Variants in BCO2 observed in about 807,000 individuals in gnomAD.
The protein encoded by BCO2 is carotenoid-cleaving dioxygenase, mitochondrial.
A neutral mutation model predicts 65.8 loss-of-function variants in BCO2; 56 were observed. The observed-to-expected ratio is 0.85, with a 90% CI of 0.69 to 1.06. The LOEUF (loss-of-function observed/expected upper bound fraction) is 1.06, where lower values mean the gene tolerates loss of function less well. Among genes scored for constraint, BCO2 ranks in the 50% least tolerant of loss-of-function variants. The probability of loss-of-function intolerance (pLI) is 0.00; values close to 1 mark genes in which losing one functional copy is unlikely to be tolerated. For synonymous variants in BCO2, 233 were observed against 242.3 expected, an observed-to-expected ratio of 0.96 and a Z score of 0.36; for missense variants, 675 against 698.5, an observed-to-expected ratio of 0.97 and a Z score of 0.38.
At chr11:112,213,166 G>C (rs1592866941) in intron 8 of BCO2, among the ~76,000 whole-genome samples, 1 of 82,986 alleles carries the variant, frequency 1.2e-5, no homozygotes, top group African/African-American at 5.1e-5. Flanking sequence ...TTTTTGTGAC[G>C]GAGTTTCACT....
intron 8 of BCO2, among the ~76,000 whole-genome samples, chr11:112,209,362 A>G (rs114873285): frequency 0.028 from 4,211 of 152,300 alleles, 200 homozygotes; most frequent in African/African-American, 0.096. Flanking sequence ...TAGACTTTTC[A>G]GACTGACTTT....
intron 2 of BCO2, among the ~76,000 whole-genome samples, chr11:112,193,116 T>A (rs1241090867): frequency 2.0e-5 from 3 of 151,618 alleles, no homozygotes; most frequent in South Asian, 4.2e-4. Flanking sequence ...TAGCTGGGAC[T>A]ACAGGCGCAT....
intron 2 of BCO2, among the ~76,000 whole-genome samples, chr11:112,186,638 G>A (rs1867208762): frequency 6.6e-6 from 1 of 152,014 alleles, no homozygotes; most frequent in African/African-American, 2.4e-5. Flanking sequence ...ACATGCCAAA[G>A]GTCTATCTTC....
intron 7 of BCO2, 51 bp downstream of exon 7, chr11:112,200,824 A>T (rs770097819): frequency 6.3e-7 from 1 of 1,584,660 alleles, no homozygotes; most frequent in Non-Finnish European, 8.6e-7. Flanking sequence ...AACAAAGGCA[A>T]ATTTCCATAT....
chr11:112,175,950 T>C, intron 1 of BCO2: 1 of 363,504 alleles, frequency 2.8e-6, no homozygotes. Flanking sequence ...TTGGTATTCT[T>C]TGGGATTTGC....
intron 8 of BCO2, among the ~76,000 whole-genome samples, chr11:112,204,612 A>G (rs1327424473): frequency 6.6e-6 from 1 of 152,198 alleles, no homozygotes; most frequent in East Asian, 1.9e-4. Flanking sequence ...CTTTATGATG[A>G]TCTACTACCA....
At chr11:112,205,410 G>A (rs1425077094) in intron 8 of BCO2, among the ~76,000 whole-genome samples, 1 of 152,040 alleles carries the variant, frequency 6.6e-6, no homozygotes, top group Non-Finnish European at 1.5e-5. Flanking sequence ...TAGTGATGTT[G>A]AGCACCTTTT....
At chr11:112,217,731 T>A (rs1468462124) in intron 11 of BCO2, 30 bp from the exon 12 acceptor site, 3 of 1,529,618 alleles carry the variant, frequency 2.0e-6, no homozygotes, top group Non-Finnish European at 2.7e-6. Flanking sequence ...GAAAAAAAGA[T>A]AATTTTCAAT....
At chr11:112,199,897 G>T in intron 6 of BCO2, 70 bp downstream of exon 6, 1 of 1,547,164 alleles carries the variant, frequency 6.5e-7, no homozygotes, top group Non-Finnish European at 8.8e-7. Flanking sequence ...GGACTAGTCT[G>T]GCAAATGTTA....
At chr11:112,183,457 C>G (rs1208351328) in intron 2 of BCO2, among the ~76,000 whole-genome samples, 1 of 151,894 alleles carries the variant, frequency 6.6e-6, no homozygotes, top group Non-Finnish European at 1.5e-5. Flanking sequence ...GAGGGTTTAC[C>G]TAGTTTTATG....
In BCO2 at chr11:112,179,292, A is replaced by G. The variant is rs1328331625; in HGVS notation, c.103A>G (p.Met35Val). The change falls in exon 2 of 12, where the codon ATG (methionine) becomes GTG (valine). Residue 35 changes from methionine (M) to valine (V), a missense_variant. By Grantham distance (21) the Met-to-Val change is conservative. Transcript: ENST00000357685. ...VHRLPVFKRY[M>V]GNTPQKKAVF... The stretch of plus-strand genomic sequence containing the variant: ...CCTCTGCACAGTTTTCAAAAGGTAC[A>G]TGGGAAATACTCCTCAGAAAAAAGC... The G allele has an allele frequency of 2.5e-6, 4 of 1,614,188 alleles. No individual in the cohort carries two copies. Among genetic ancestry groups the G allele is most frequent in the South Asian group, 1.1e-5 (1 of 91,086 alleles).
Position 112,200,553 on chromosome 11 carries a change from A to G in BCO2, c.866-60A>G, listed in dbSNP as rs191271064. The G allele has an allele frequency of 1.0e-3, 1,560 of 1,488,010 alleles. 11 individuals carry two copies. The highest frequency in any genetic ancestry group is 7.2e-4 in the Non-Finnish European group (790 of 1,094,770). The allele number at this position is 1,488,010 out of a possible 1,614,324, so 92.2% of individuals were successfully genotyped here. On this transcript the variant is annotated intron_variant, in intron 6 of 11. Coordinates refer to ENST00000357685, the MANE Select transcript of BCO2 (RefSeq NM_031938.7). ...ATTCAGACAAGTCCCCATAACTGGC[A>G]CATTTCAGACAACTCTAGTTTGCCA...
At chr11:112,184,683 A>AT (rs1314703451) in intron 2 of BCO2, among the ~76,000 whole-genome samples, 1 of 147,358 alleles carries the variant, frequency 6.8e-6, no homozygotes, top group African/African-American at 2.7e-5. Flanking sequence ...TTTTACTTAT[A>AT]TTTTTTGTTT....
At chr11:112,192,738 A>T (rs995222607) in intron 2 of BCO2, among the ~76,000 whole-genome samples, 2 of 147,642 alleles carry the variant, frequency 1.4e-5, no homozygotes, top group Non-Finnish European at 3.0e-5. Flanking sequence ...GGTCTCAAGC[A>T]ATCCACCTGC....
At position 112,202,078 on chromosome 11, in the gene BCO2, C is replaced by A. The variant is rs550194496; in HGVS notation, c.1082C>A (p.Ala361Asp). 317 of 1,613,114 alleles carry A rather than the reference C, an allele frequency of 2.0e-4. 3 individuals carry two copies. In the South Asian group the frequency reaches 3.4e-3, roughly 17 times the overall value. ...KPFVTFHQIN[A>D]FEDQGCVIID... The stretch of plus-strand genomic sequence containing the variant: ...TTTGTTACATTTCATCAAATCAATG[C>A]CTTTGAGGACCAGGGCTGTGTTATA... Residue 361 changes from alanine to aspartate, a missense_variant, in exon 8 of 12, where the codon GCC becomes GAC. Coordinates refer to ENST00000357685, the MANE Select transcript of BCO2 (RefSeq NM_031938.7).
intron 2 of BCO2, among the ~76,000 whole-genome samples, chr11:112,183,830 A>G (rs1867125951): frequency 2.0e-5 from 3 of 152,238 alleles, no homozygotes; most frequent in Admixed American, 1.3e-4. Context: ...ACTGATTGAA[A>G]CAGAGTGGAA....
At chr11:112,215,139 C>A (rs1253825235) in intron 10 of BCO2, 195 bp downstream of exon 10, 8 of 584,696 alleles carry the variant, frequency 1.4e-5, no homozygotes, top group Non-Finnish European at 2.4e-5. Flanking sequence ...ACCCCAGGCC[C>A]AGCAAAATAA....
intron 8 of BCO2, among the ~76,000 whole-genome samples, chr11:112,206,338 C>T (rs1215707647): frequency 6.6e-6 from 1 of 152,022 alleles, no homozygotes; most frequent in African/African-American, 2.4e-5. Context: ...CAGAGGTGTT[C>T]CTCAGTTCCC....
chr11:112,214,792 G>C lies in BCO2; in HGVS notation c.1363G>C (p.Glu455Gln), dbSNP rs370755350. The C allele has an allele frequency of 2.5e-6, 4 of 1,613,760 alleles. No individual in the cohort carries two copies. Among genetic ancestry groups the C allele is most frequent in the Non-Finnish European group, 3.4e-6 (4 of 1,179,688 alleles). The change falls in exon 10 of 12, where the codon GAG (glutamate) becomes CAG (glutamine). Residue 455 changes from glutamate (E) to glutamine (Q), a missense_variant. Physicochemically the swap from Glu to Gln is conservative, Grantham distance 29. Transcript: ENST00000357685. ...GTGCTCTCATGAAAATCTACATCAG[G>C]AGGACCTAGAAAAGGAAGGAGGCAT... ...IWCSHENLHQ[E>Q]DLEKEGGIEF...
Sources: gnomAD v4.1 joint callset for allele counts (sites outside exome capture counted in the v4.1 genomes callset) on GRCh38, gnomAD v4.1.1 for gene constraint, MANE v1.5 for transcripts, NCBI Gene and HGNC (gene_info 2026-07-23, HGNC 2026-07-21) for gene names.